MAP3K13: variants seen among roughly 807,000 people sequenced by gnomAD.
MAP3K13 encodes mitogen-activated protein kinase kinase kinase 13.
MAP3K13 carries 52 observed loss-of-function variants against 104.0 expected under a neutral mutation model. That is an observed-to-expected ratio of 0.50 (90% CI 0.40 to 0.63). MAP3K13 has a LOEUF of 0.63. Among genes scored for constraint, MAP3K13 ranks in the 20% least tolerant of loss-of-function variants. MAP3K13 has a pLI of 0.00. For missense variants in MAP3K13, 914 were observed against 1,218.5 expected, an observed-to-expected ratio of 0.75 and a Z score of 3.72; for synonymous variants, 394 against 442.2, an observed-to-expected ratio of 0.89 and a Z score of 1.37.
intron 1 of MAP3K13, among the ~76,000 whole-genome samples, chr3:185,367,071 G>A (rs1176835158): frequency 1.3e-5 from 2 of 152,124 alleles, no homozygotes; most frequent in Non-Finnish European, 1.5e-5. Flanking sequence ...TCCACATTTA[G>A]ATCTGTGACT....
chr3:185,432,377 G>A (rs1408845359), intron 2 of MAP3K13, among the ~76,000 whole-genome samples: 1 of 151,964 alleles, frequency 6.6e-6, no homozygotes, highest in Non-Finnish European at 1.5e-5. Context: ...TTTTAGTAGA[G>A]ACAGGGTTTC....
rs1714256948 is a variant in MAP3K13 at position 185,423,619 on chromosome 3, T to G, written c.-85-4878T>G. On this transcript the variant is annotated intron_variant, in intron 1 of 13. Transcript: ENST00000265026. This position sits in a 1 kb window ranked among gnomAD's most constrained non-coding sequence, Gnocchi z 4.1. ...TTCTTTCTTCCCCCTGCCCCAACCT[T>G]ATATTCCCAGGGAGCTTCTCAAGGC... Among the ~76,000 whole-genome samples the G allele has an allele frequency of 6.6e-6, 1 of 152,138 alleles. No homozygotes were observed. The highest frequency in any genetic ancestry group is 1.5e-5 in the Non-Finnish European group (1 of 68,018).
intron 12 of MAP3K13, among the ~76,000 whole-genome samples, chr3:185,477,879 C>T (rs564078984): frequency 1.5e-3 from 228 of 152,318 alleles, no homozygotes; most frequent in African/African-American, 5.3e-3. Context: ...AGACAGCCAC[C>T]TTCTTGCTGT....
chr3:185,445,633 A>T (rs1715549893), intron 4 of MAP3K13, among the ~76,000 whole-genome samples: 1 of 152,186 alleles, frequency 6.6e-6, no homozygotes. Context: ...CTTTCCCTCT[A>T]TTAGCAATAA....
intron 1 of MAP3K13, among the ~76,000 whole-genome samples, chr3:185,411,245 G>GA (rs991597005): frequency 2.3e-4 from 35 of 150,628 alleles, no homozygotes; most frequent in African/African-American, 5.4e-4. Flanking sequence ...TTAGAACACA[G>GA]AAAAAAAAAT....
At chr3:185,400,429 G>T (rs1712724899) in intron 1 of MAP3K13, among the ~76,000 whole-genome samples, 1 of 152,202 alleles carries the variant, frequency 6.6e-6, no homozygotes, top group South Asian at 2.1e-4. Context: ...CTCCTCTAGA[G>T]CAGGGGTCCA....
chr3:185,367,029 A>G (rs1353877672), intron 1 of MAP3K13, among the ~76,000 whole-genome samples: 1 of 152,130 alleles, frequency 6.6e-6, no homozygotes, highest in Non-Finnish European at 1.5e-5. Flanking sequence ...ATTTACTTCT[A>G]TGTTTTCTTC....
At chr3:185,386,123 A>G (rs990628135) in intron 1 of MAP3K13, among the ~76,000 whole-genome samples, 1 of 152,200 alleles carries the variant, frequency 6.6e-6, no homozygotes, top group Non-Finnish European at 1.5e-5. Context: ...GAATAAACAG[A>G]CAATCTACGG....
upstream of MAP3K13, among the ~76,000 whole-genome samples, chr3:185,360,236 T>C (rs149051974): frequency 1.8e-3 from 274 of 152,336 alleles, 1 homozygote; most frequent in Non-Finnish European, 2.0e-3. Context: ...AGTTGCATTG[T>C]TGCATACCAT....
In MAP3K13 at chr3:185,315,544, G is replaced by A. The variant is rs777784906; in HGVS notation, c.-86+29901G>A. On this transcript the variant is annotated intron_variant, in intron 2 of 14. Transcript: ENST00000424227. This position sits in a 1 kb window ranked among gnomAD's most constrained non-coding sequence, Gnocchi z 4.3. ...TTAGAAAAATCATGGGAAAAAATAT[G>A]GAAATACATAATGAAAATAACAAAA... Among the ~76,000 whole-genome samples, 28 of 152,104 alleles carry A rather than the reference G, an allele frequency of 1.8e-4. No homozygotes were observed. Among genetic ancestry groups the A allele is most frequent in the African/African-American group, 2.7e-4 (11 of 41,408 alleles).
intron 1 of MAP3K13, among the ~76,000 whole-genome samples, chr3:185,370,922 C>T (rs1043651699): frequency 1.3e-5 from 2 of 152,112 alleles, no homozygotes; most frequent in Non-Finnish European, 2.9e-5. Context: ...TTCTGCCCAT[C>T]TCTCACTACC....
At chr3:185,374,066 A>G (rs1284562791) in intron 1 of MAP3K13, among the ~76,000 whole-genome samples, 17 of 152,104 alleles carry the variant, frequency 1.1e-4, no homozygotes, top group Admixed American at 1.1e-3. Flanking sequence ...GGAGACTACA[A>G]AGTACATTGA....
intron 1 of MAP3K13, among the ~76,000 whole-genome samples, chr3:185,283,922 G>T (rs1196317147): frequency 5.6e-5 from 7 of 125,784 alleles, no homozygotes; most frequent in African/African-American, 1.9e-4. Context: ...TTTTTTCTGA[G>T]ACGGAGTCTC....
chr3:185,448,238 T>A lies in MAP3K13; in HGVS notation c.1010+291T>A, dbSNP rs1181302586. On this transcript the variant is annotated intron_variant, in intron 5 of 13. Transcript: ENST00000265026. ...AAGTTTACTTCAAATGATCATTTAG[T>A]ATAGAAGTCTTTCTGAAATGTGTTA... 9 of 432,746 alleles carry A rather than the reference T, an allele frequency of 2.1e-5. No individual in the cohort carries two copies. In the East Asian group the frequency reaches 4.1e-4, roughly 20 times the overall value. 26.8% of individuals were successfully genotyped at this position (432,746 alleles called of 1,614,324 possible).
In MAP3K13 at chr3:185,448,141, G is replaced by A. The variant is rs1350540292; in HGVS notation, c.1010+194G>A. 7.9e-6 allele frequency: 6 copies of A among 755,378 alleles called. No individual in the cohort carries two copies. In the East Asian group the frequency reaches 1.3e-4, roughly 16 times the overall value. 46.8% of individuals were successfully genotyped at this position (755,378 alleles called of 1,614,324 possible). ...GGGGAGAAGGATTAGGGGGAATTAG[G>A]GTGGCTATCTACTCAGTAAGTCACC... On this transcript the variant is annotated intron_variant, in intron 5 of 13. Transcript: ENST00000265026.
intron 2 of MAP3K13, among the ~76,000 whole-genome samples, chr3:185,354,399 G>C (rs1376796075): frequency 6.7e-6 from 1 of 148,580 alleles, no homozygotes; most frequent in South Asian, 2.2e-4. Context: ...CATTGCCCCC[G>C]TTTGAAGCCT....
intron 2 of MAP3K13, among the ~76,000 whole-genome samples, chr3:185,313,415 G>A (rs986814235): frequency 4.6e-5 from 7 of 151,564 alleles, no homozygotes; most frequent in African/African-American, 1.5e-4. Flanking sequence ...GACTACAGGC[G>A]CTCGCCACCA....
intron 1 of MAP3K13, among the ~76,000 whole-genome samples, chr3:185,421,501 A>G (rs529279675): frequency 2.0e-5 from 3 of 152,124 alleles, no homozygotes; most frequent in African/African-American, 4.8e-5. Flanking sequence ...CCTGGCTCCC[A>G]TAGTACTTTC....
At chr3:185,334,704 G>A (rs988356505) in intron 2 of MAP3K13, among the ~76,000 whole-genome samples, 3 of 151,934 alleles carry the variant, frequency 2.0e-5, no homozygotes, top group Non-Finnish European at 4.4e-5. Context: ...CGCCTCCTGG[G>A]TTCAAGCAAT....
Sources: allele counts gnomAD v4.1 joint callset (sites outside exome capture counted in the v4.1 genomes callset), GRCh38; gene constraint gnomAD v4.1.1; non-coding constraint Gnocchi (gnomAD v3.1); transcripts MANE v1.5; gene names NCBI Gene and HGNC (gene_info 2026-07-23, HGNC 2026-07-21).